PCDH15: variants seen among roughly 807,000 people sequenced by gnomAD.
PCDH15 encodes the protein protocadherin related 15.
In PCDH15, 129 loss-of-function variants were observed where a neutral mutation model predicts 178.5. The observed-to-expected ratio is 0.72, with a 90% CI of 0.63 to 0.84. The LOEUF is 0.84. Among genes scored for constraint, PCDH15 ranks in the 40% least tolerant of loss-of-function variants. The pLI is 0.00. For missense variants in PCDH15, 2,230 were observed against 2,099.9 expected (o/e 1.06, Z -1.21); for synonymous variants, 800 against 732.0 (o/e 1.09, Z -1.50).
chr10:55,199,002 G>A (rs1440242788), intron 1 of PCDH15, among the ~76,000 whole-genome samples: 1 of 152,024 alleles, frequency 6.6e-6, no homozygotes, highest in Non-Finnish European at 1.5e-5. Flanking sequence ...ATTTATAGCA[G>A]TGTGGGAATG....
At chr10:53,881,689 G>T (rs2080732164) in intron 26 of PCDH15, among the ~76,000 whole-genome samples, 1 of 151,886 alleles carries the variant, frequency 6.6e-6, no homozygotes, top group African/African-American at 2.4e-5. Context: ...TCTAAAATGT[G>T]TATGCTAGAT....
intron 3 of PCDH15, among the ~76,000 whole-genome samples, chr10:54,392,227 G>T (rs1247593035): frequency 6.6e-6 from 1 of 152,020 alleles, no homozygotes; most frequent in Non-Finnish European, 1.5e-5. Flanking sequence ...CACTTTGGGA[G>T]GCTGAGGCAG....
intron 21 of PCDH15, among the ~76,000 whole-genome samples, chr10:53,992,905 T>G (rs561321325): frequency 6.6e-6 from 1 of 152,326 alleles, no homozygotes; most frequent in Admixed American, 6.5e-5. Context: ...AAAACATGTA[T>G]TTTATAATTC....
intron 2 of PCDH15, among the ~76,000 whole-genome samples, chr10:55,161,072 T>C (rs1184229187): frequency 2.0e-5 from 3 of 152,112 alleles, no homozygotes; most frequent in African/African-American, 4.8e-5. Context: ...CAGTAGACCA[T>C]AGAGCTCGTT....
intron 18 of PCDH15, among the ~76,000 whole-genome samples, chr10:54,030,982 C>T (rs2093276045): frequency 6.6e-6 from 1 of 151,972 alleles, no homozygotes; most frequent in Non-Finnish European, 1.5e-5. Context: ...GAATATGAAG[C>T]TCATGTGGTG....
intron 2 of PCDH15, among the ~76,000 whole-genome samples, chr10:55,069,195 C>T (rs1325894395): frequency 6.6e-6 from 1 of 151,590 alleles, no homozygotes; most frequent in Admixed American, 6.6e-5. Context: ...GCCACTGCAC[C>T]CAGACTGTAT....
chr10:54,638,140 C>T (rs1006852987), intron 2 of PCDH15, among the ~76,000 whole-genome samples: 40 of 151,986 alleles, frequency 2.6e-4, no homozygotes, highest in African/African-American at 9.2e-4. Flanking sequence ...AAAAGATCTG[C>T]TTGAACCCTG....
chr10:54,635,231 A>T (rs2134784787), intron 2 of PCDH15, among the ~76,000 whole-genome samples: 1 of 151,470 alleles, frequency 6.6e-6, no homozygotes, highest in East Asian at 1.9e-4. Flanking sequence ...TGACTCAGTC[A>T]AGTCAAAGCT....
chr10:55,285,156 T>C (rs1463193287), intron 1 of PCDH15, among the ~76,000 whole-genome samples: 1 of 146,644 alleles, frequency 6.8e-6, no homozygotes, highest in African/African-American at 2.6e-5. Context: ...ATATGGTAAA[T>C]ACAAGTTTAC....
intron 3 of PCDH15, among the ~76,000 whole-genome samples, chr10:54,479,332 G>C (rs2136885842): frequency 6.6e-6 from 1 of 152,024 alleles, no homozygotes; most frequent in East Asian, 1.9e-4. Context: ...CTGGTTTGGA[G>C]AGTAACTTCC....
chr10:55,616,880 G>C (rs1843490025), intron 2 of PCDH15, among the ~76,000 whole-genome samples: 1 of 151,928 alleles, frequency 6.6e-6, no homozygotes, highest in Non-Finnish European at 1.5e-5. Context: ...ACCTATTAAA[G>C]TGTTATTTAA....
chr10:54,742,123 G>A (rs1223006632), intron 1 of PCDH15, among the ~76,000 whole-genome samples: 1 of 151,980 alleles, frequency 6.6e-6, no homozygotes. Context: ...CTATTTCAAG[G>A]CTATCCCATT....
chr10:55,301,979 T>C (rs1843294247), intron 1 of PCDH15, among the ~76,000 whole-genome samples: 1 of 152,152 alleles, frequency 6.6e-6, no homozygotes, highest in Admixed American at 6.6e-5. Context: ...ACTGTCTTGA[T>C]TATCGTGACT....
intron 2 of PCDH15, among the ~76,000 whole-genome samples, chr10:55,330,838 A>ATGTGTGTGTGTGTGTGTGTGTG (rs71461291): frequency 6.9e-6 from 1 of 144,614 alleles, no homozygotes; most frequent in Non-Finnish European, 1.5e-5. Flanking sequence ...AGATTTATTT[A>ATGTGTGTGTGTGTGTGTGTGTG]TGTGTGTGTG....
intron 3 of PCDH15, among the ~76,000 whole-genome samples, chr10:54,884,879 T>A (rs4935568): frequency 0.96 from 145,639 of 152,164 alleles, 69,805 homozygotes; most frequent in East Asian, 0.99. Context: ...ATACATTAAA[T>A]TGAGTCTTCA....
intron 2 of PCDH15, among the ~76,000 whole-genome samples, chr10:55,382,476 A>G (rs1588972653): frequency 6.6e-6 from 1 of 152,190 alleles, no homozygotes; most frequent in African/African-American, 2.4e-5. Flanking sequence ...GAATGAAAGT[A>G]CCACAAGCCA....
intron 1 of PCDH15, among the ~76,000 whole-genome samples, chr10:54,693,222 C>T (rs1461237655): frequency 6.6e-6 from 1 of 151,740 alleles, no homozygotes; most frequent in Non-Finnish European, 1.5e-5. Context: ...CTTTTTACAC[C>T]GAGAAGAATT....
At chr10:54,864,108 CAG>C (rs1953894485) in intron 3 of PCDH15, among the ~76,000 whole-genome samples, 1 of 152,054 alleles carries the variant, frequency 6.6e-6, no homozygotes, top group African/African-American at 2.4e-5. Flanking sequence ...CTTAATATAA[CAG>C]AGGATATTTG....
intron 2 of PCDH15, among the ~76,000 whole-genome samples, chr10:55,072,305 A>T (rs1411515619): frequency 2.6e-5 from 4 of 152,226 alleles, no homozygotes; most frequent in Admixed American, 2.6e-4. Flanking sequence ...TAATGGATCC[A>T]GGAGCTGGTT....
Sources: allele counts gnomAD v4.1 joint callset (sites outside exome capture counted in the v4.1 genomes callset), GRCh38; gene constraint gnomAD v4.1.1; transcripts MANE v1.5; gene names NCBI Gene and HGNC (gene_info 2026-07-23, HGNC 2026-07-21).